LARGE1: variants seen among roughly 807,000 people sequenced by gnomAD.
LARGE1 encodes the protein LARGE xylosyl- and glucuronyltransferase 1, also known as xylosyl- and glucuronyltransferase LARGE1.
In LARGE1, 43 loss-of-function variants were observed where a neutral mutation model predicts 87.6. The observed-to-expected ratio is 0.49, with a 90% CI of 0.38 to 0.63. The LOEUF (loss-of-function observed/expected upper bound fraction) is 0.63, where lower values mean the gene tolerates loss of function less well. Among genes scored for constraint, LARGE1 ranks in the 30% least tolerant of loss-of-function variants. The pLI, the probability that LARGE1 is intolerant of heterozygous loss-of-function variation, is 0.00. For synonymous variants in LARGE1, 434 were observed against 394.6 expected (o/e 1.10, Z -1.18); for missense variants, 802 against 1,000.2 (o/e 0.80, Z 2.67).
chr22:33,667,131 G>A (rs893073941), intron 2 of LARGE1, among the ~76,000 whole-genome samples: 2 of 152,194 alleles, frequency 1.3e-5, no homozygotes, highest in Admixed American at 6.5e-5. Context: ...ATGCACCCAC[G>A]TGCACACACC....
chr22:33,464,116 A>G (rs2068492284), intron 6 of LARGE1, among the ~76,000 whole-genome samples: 1 of 152,210 alleles, frequency 6.6e-6, no homozygotes, highest in South Asian at 2.1e-4. Context: ...GAATACATAA[A>G]CAACCAATGG....
chr22:33,103,021 C>A, the LARGE1 span, among the ~76,000 whole-genome samples: 2 of 152,094 alleles, frequency 1.3e-5, no homozygotes, highest in Non-Finnish European at 2.9e-5. Flanking sequence ...TAGGATCTCC[C>A]GCGGCCCCTG....
At chr22:33,908,553 G>T (rs2065526332) in intron 1 of LARGE1, among the ~76,000 whole-genome samples, 1 of 151,286 alleles carries the variant, frequency 6.6e-6, no homozygotes, top group African/African-American at 2.4e-5. Flanking sequence ...GGGGTGGCCA[G>T]GGGTGGGGGG....
chr22:33,665,435 ACAAG>A (rs1285470942), intron 2 of LARGE1, among the ~76,000 whole-genome samples: 1 of 152,214 alleles, frequency 6.6e-6, no homozygotes, highest in Non-Finnish European at 1.5e-5. Flanking sequence ...GCAGGTGAAT[ACAAG>A]CAACTTTTGC....
chr22:33,736,739 T>C (rs2083669215), intron 2 of LARGE1, among the ~76,000 whole-genome samples: 1 of 152,236 alleles, frequency 6.6e-6, no homozygotes, highest in Admixed American at 6.5e-5. Flanking sequence ...ACTCTTATGT[T>C]TCCTTCTAAG....
chr22:33,777,875 TG>T (rs2085299109), intron 1 of LARGE1, among the ~76,000 whole-genome samples: 1 of 152,150 alleles, frequency 6.6e-6, no homozygotes, highest in Admixed American at 6.5e-5. Context: ...GCCCCTGTTT[TG>T]GGGGGCTTTC....
chr22:33,598,155 C>T (rs995391433), intron 5 of LARGE1, among the ~76,000 whole-genome samples: 1 of 152,132 alleles, frequency 6.6e-6, no homozygotes, highest in African/African-American at 2.4e-5. Flanking sequence ...GAGAGGGAAA[C>T]AGGACATAGG....
the LARGE1 span, among the ~76,000 whole-genome samples, chr22:33,089,318 TTCTTTC>T: frequency 1.8e-5 from 2 of 112,234 alleles, no homozygotes; most frequent in Non-Finnish European, 3.9e-5. Flanking sequence ...TTCTTCTTTC[TTCTTTC>T]TTCTTCTTCT....
the LARGE1 span, among the ~76,000 whole-genome samples, chr22:33,078,105 TTC>T: frequency 6.6e-6 from 1 of 152,192 alleles, no homozygotes; most frequent in Non-Finnish European, 1.5e-5. Context: ...CTCCGGTGAT[TTC>T]TCTTTCCCTA....
intron 6 of LARGE1, among the ~76,000 whole-genome samples, chr22:33,493,453 G>A (rs2069954766): frequency 6.6e-6 from 1 of 152,080 alleles, no homozygotes; most frequent in Admixed American, 6.5e-5. Flanking sequence ...GAGCCACCGT[G>A]CCCGGCCTGA....
chr22:33,894,250 A>C (rs1212435817), intron 1 of LARGE1, among the ~76,000 whole-genome samples: 1 of 152,084 alleles, frequency 6.6e-6, no homozygotes, highest in Admixed American at 6.5e-5. Context: ...TATGCAGATC[A>C]CCTGTGGAGT....
At chr22:33,511,424 G>A (rs1337561515) in intron 6 of LARGE1, among the ~76,000 whole-genome samples, 7 of 152,284 alleles carry the variant, frequency 4.6e-5, no homozygotes, top group Non-Finnish European at 7.4e-5. Flanking sequence ...AGTGAGGGGG[G>A]ATTCAGCTTT....
intron 2 of LARGE1, among the ~76,000 whole-genome samples, chr22:33,707,018 T>C (rs765659490): frequency 6.6e-6 from 1 of 152,240 alleles, no homozygotes; most frequent in Non-Finnish European, 1.5e-5. Flanking sequence ...TTAAGGTGTG[T>C]CTTCCAGAAT....
At chr22:33,373,925 T>C (rs1238132032) in intron 9 of LARGE1, among the ~76,000 whole-genome samples, 1 of 135,850 alleles carries the variant, frequency 7.4e-6, no homozygotes, top group Non-Finnish European at 1.5e-5. Flanking sequence ...AGTCAGCCGA[T>C]ATCGCGCCAT....
intron 6 of LARGE1, among the ~76,000 whole-genome samples, chr22:33,474,659 G>A (rs1024949843): frequency 2.0e-5 from 3 of 152,102 alleles, no homozygotes; most frequent in African/African-American, 7.2e-5. Flanking sequence ...TAAGTCATCC[G>A]GAGCCTCACC....
At chr22:33,470,988 C>T (rs1277598244) in intron 6 of LARGE1, among the ~76,000 whole-genome samples, 1 of 150,520 alleles carries the variant, frequency 6.6e-6, no homozygotes, top group African/African-American at 2.4e-5. Context: ...GACTTATAAA[C>T]GTTGTAGGAC....
At chr22:33,583,000 A>G (rs1263887145) in intron 5 of LARGE1, among the ~76,000 whole-genome samples, 1 of 152,220 alleles carries the variant, frequency 6.6e-6, no homozygotes, top group African/African-American at 2.4e-5. Context: ...GAAACAAACC[A>G]CATTAAGTAT....
chr22:33,540,047 C>T (rs887204993), intron 6 of LARGE1, among the ~76,000 whole-genome samples: 28 of 152,250 alleles, frequency 1.8e-4, no homozygotes, highest in African/African-American at 6.7e-4. Context: ...GGGGCCAGTC[C>T]CTTTTACCCT....
chr22:33,307,023 A>T (rs1025321621), intron 11 of LARGE1, among the ~76,000 whole-genome samples: 4 of 152,206 alleles, frequency 2.6e-5, no homozygotes, highest in African/African-American at 9.6e-5. Flanking sequence ...TGCTGTTTCT[A>T]TGCCCTCCAG....
Sources: allele counts gnomAD v4.1 joint callset (sites outside exome capture counted in the v4.1 genomes callset), GRCh38; gene constraint gnomAD v4.1.1; transcripts MANE v1.5; gene names NCBI Gene and HGNC (gene_info 2026-07-23, HGNC 2026-07-21).